CACNA2D2: variants seen among roughly 807,000 people sequenced by gnomAD.
CACNA2D2 encodes the protein voltage-dependent calcium channel subunit alpha-2/delta-2.
In CACNA2D2, 48 loss-of-function variants were observed where a neutral mutation model predicts 166.4. The observed-to-expected ratio is 0.29, with a 90% CI of 0.23 to 0.37. The LOEUF is 0.37. Among genes scored for constraint, CACNA2D2 ranks in the 10% least tolerant of loss-of-function variants. The pLI is 1.00. For synonymous variants in CACNA2D2, 561 were observed against 573.7 expected (o/e 0.98, Z 0.32); for missense variants, 1,122 against 1,433.0 (o/e 0.78, Z 3.50).
chr3:50,475,627 A>G (rs1317719495), intron 2 of CACNA2D2, among the ~76,000 whole-genome samples: 3 of 152,140 alleles, frequency 2.0e-5, no homozygotes, highest in Non-Finnish European at 4.4e-5. Context: ...GCTGGTGCCT[A>G]ATCAATCACC....
At chr3:50,434,253 G>C (rs2106891167) in intron 3 of CACNA2D2, 60 bp downstream of exon 3, 2 of 1,169,414 alleles carry the variant, frequency 1.7e-6, no homozygotes, top group East Asian at 2.3e-5. Flanking sequence ...TCATGGTACA[G>C]GACCTCTCCA....
chr3:50,491,701 T>C (rs1698530669), intron 1 of CACNA2D2, among the ~76,000 whole-genome samples: 1 of 152,162 alleles, frequency 6.6e-6, no homozygotes, highest in African/African-American at 2.4e-5. Flanking sequence ...GAGACCCGGA[T>C]CAGGGGAGGA....
intron 1 of CACNA2D2, 80 bp from the exon 2 acceptor site, chr3:50,476,279 C>A (rs1697762294): frequency 3.6e-6 from 4 of 1,107,266 alleles, no homozygotes; most frequent in Non-Finnish European, 5.3e-6. Flanking sequence ...CCCGGGGGCA[C>A]TGGGGGCAAC....
intron 1 of CACNA2D2, among the ~76,000 whole-genome samples, chr3:50,482,764 T>G (rs372417938): frequency 9.9e-5 from 15 of 152,174 alleles, no homozygotes; most frequent in African/African-American, 3.4e-4. Context: ...AGAGACCTGG[T>G]GGGGTGCCTT....
chr3:50,469,244 G>A (rs1709961555), intron 2 of CACNA2D2, among the ~76,000 whole-genome samples: 1 of 152,020 alleles, frequency 6.6e-6, no homozygotes, highest in South Asian at 2.1e-4. Flanking sequence ...TTTTGTCTCT[G>A]CCCATCTCCT....
intron 3 of CACNA2D2, among the ~76,000 whole-genome samples, chr3:50,403,878 T>G (rs1706564022): frequency 6.6e-6 from 1 of 152,230 alleles, no homozygotes; most frequent in Non-Finnish European, 1.5e-5. Flanking sequence ...CCAGGAATCC[T>G]GGTGCCCTGT....
intron 2 of CACNA2D2, among the ~76,000 whole-genome samples, chr3:50,459,113 G>A (rs1031593835): frequency 5.3e-5 from 8 of 152,214 alleles, no homozygotes; most frequent in African/African-American, 1.7e-4. Flanking sequence ...CATGGAGGGG[G>A]AACTATGACA....
rs376810542 is a variant in CACNA2D2 at position 50,485,029 on chromosome 3, T to C, written c.207-8830A>G. 2.0e-4 allele frequency among the ~76,000 whole-genome samples: 31 copies of C among 152,354 alleles called. No individual in the cohort carries two copies. The South Asian group carries it at 6.0e-3, about 29-fold the overall frequency. On this transcript the variant is annotated intron_variant, in intron 1 of 37. Transcript: ENST00000424201. ...ATGAATTATTAAGGCTCGTTTATGA[T>C]GGGCCCGCCCAGGCCTGTGGCTTCC...
chr3:50,475,741 C>T (rs1328756437), intron 2 of CACNA2D2, among the ~76,000 whole-genome samples: 26 of 152,136 alleles, frequency 1.7e-4, no homozygotes, highest in Admixed American at 6.5e-5. Flanking sequence ...CCGGCCATCC[C>T]GTTGTTTCCT....
intron 3 of CACNA2D2, among the ~76,000 whole-genome samples, chr3:50,429,001 G>A (rs767973374): frequency 4.6e-5 from 7 of 152,136 alleles, no homozygotes; most frequent in African/African-American, 4.8e-5. Flanking sequence ...AGGCCGAGGC[G>A]CGCAGGTTGC....
intron 2 of CACNA2D2, among the ~76,000 whole-genome samples, chr3:50,468,380 A>AGTGTGTGT (rs3220659): frequency 0.057 from 4,771 of 83,014 alleles, 393 homozygotes; most frequent in East Asian, 0.093. Flanking sequence ...TCATCAGAAT[A>AGTGTGTGT]GTGTGTGTGT....
chr3:50,412,158 T>TG lies in CACNA2D2; in HGVS notation c.406-17991_406-17990insC, dbSNP rs1707049349. On this transcript the variant is annotated intron_variant, in intron 3 of 37. Transcript: ENST00000424201. Reference sequence around the variant, plus strand: ...CGTCATTGTTACTCATATTCTGCAATTTTACTGGATGTGCTTTTGAGAAGA... The same window carrying TG: ...CGTCATTGTTACTCATATTCTGCAATGTTTACTGGATGTGCTTTTGAGAAGA... 2.0e-5 allele frequency among the ~76,000 whole-genome samples: 3 copies of TG among 152,356 alleles called. 1 individual carries two copies. The South Asian group carries it at 6.2e-4, about 32-fold the overall frequency.
intron 1 of CACNA2D2, among the ~76,000 whole-genome samples, chr3:50,477,789 C>T (rs1697858992): frequency 6.6e-6 from 1 of 152,180 alleles, no homozygotes; most frequent in South Asian, 2.1e-4. Context: ...CCATGGGGTA[C>T]AGGAGATTGC....
At chr3:50,378,886 C>A (rs746995851) in intron 13 of CACNA2D2, 29 bp downstream of exon 13, 1 of 1,612,252 alleles carries the variant, frequency 6.2e-7, no homozygotes, top group Non-Finnish European at 8.5e-7. Context: ...GGCAGGCAGG[C>A]CCCTGACAGT....
At chr3:50,370,096 C>T (rs909507739) in intron 23 of CACNA2D2, among the ~76,000 whole-genome samples, 1 of 152,194 alleles carries the variant, frequency 6.6e-6, no homozygotes, top group African/African-American at 2.4e-5. Flanking sequence ...CCCTCCTGCC[C>T]CGGCCTGGTG....
At chr3:50,488,726 G>C (rs1698396233) in intron 1 of CACNA2D2, among the ~76,000 whole-genome samples, 1 of 151,524 alleles carries the variant, frequency 6.6e-6, no homozygotes, top group Non-Finnish European at 1.5e-5. Flanking sequence ...TTGAGACAGA[G>C]TCTCGCTCTG....
intron 3 of CACNA2D2, among the ~76,000 whole-genome samples, chr3:50,424,834 G>A (rs1009563790): frequency 1.3e-5 from 2 of 152,134 alleles, no homozygotes; most frequent in Non-Finnish European, 2.9e-5. Flanking sequence ...GGGTCACCAT[G>A]GCACCTGGAG....
intron 3 of CACNA2D2, among the ~76,000 whole-genome samples, chr3:50,399,425 A>G (rs780497277): frequency 2.0e-5 from 3 of 152,156 alleles, no homozygotes; most frequent in Non-Finnish European, 2.9e-5. Context: ...GGATGTTGAG[A>G]TCTAGGGCAC....
At chr3:50,406,488 C>T (rs1706717819) in intron 3 of CACNA2D2, among the ~76,000 whole-genome samples, 1 of 151,634 alleles carries the variant, frequency 6.6e-6, no homozygotes, top group African/African-American at 2.4e-5. Flanking sequence ...ATTATCCCTG[C>T]ACCACCAGAA....
Sources: gnomAD v4.1 joint callset for allele counts (sites outside exome capture counted in the v4.1 genomes callset) on GRCh38, gnomAD v4.1.1 for gene constraint, MANE v1.5 for transcripts, NCBI Gene and HGNC (gene_info 2026-07-23, HGNC 2026-07-21) for gene names.